ZSWIM6: variants seen among roughly 807,000 people sequenced by gnomAD.
ZSWIM6 encodes zinc finger SWIM domain-containing protein 6.
Under a neutral mutation model 113.2 loss-of-function variants are expected in ZSWIM6, and 9 were observed. The ratio of observed to expected loss-of-function variants is 0.08; its 90% CI spans 0.05 to 0.14. The LOEUF (loss-of-function observed/expected upper bound fraction) is 0.14. Among genes scored for constraint, ZSWIM6 ranks in the 10% least tolerant of loss-of-function variants. The pLI, the probability that ZSWIM6 is intolerant of heterozygous loss-of-function variation, is 1.00. For missense variants in ZSWIM6, 1,162 were observed against 1,552.2 expected, an observed-to-expected ratio of 0.75 and a Z score of 4.22; for synonymous variants, 611 against 606.5, an observed-to-expected ratio of 1.01 and a Z score of -0.11.
At chr5:61,375,100 C>T in intron 1 of ZSWIM6, 3 of 1,606,824 alleles carry the variant, frequency 1.9e-6, no homozygotes, top group South Asian at 1.1e-5. Context: ...ACTGTGCGCG[C>T]GATCCAGCAC....
At chr5:61,399,217 G>A (rs936935355) in intron 1 of ZSWIM6, among the ~76,000 whole-genome samples, 5 of 147,466 alleles carry the variant, frequency 3.4e-5, no homozygotes, top group East Asian at 2.0e-4. Context: ...GAGCCACTGC[G>A]CCTGGCTGTG....
chr5:61,529,893 C>G (rs1413096403), intron 7 of ZSWIM6, among the ~76,000 whole-genome samples, 159 bp from the exon 8 acceptor site: 2 of 152,120 alleles, frequency 1.3e-5, no homozygotes, highest in Non-Finnish European at 2.9e-5. Flanking sequence ...GATTATGGTA[C>G]CTTTTGATTG....
chr5:61,533,901 G>A (rs1271193963), intron 9 of ZSWIM6, among the ~76,000 whole-genome samples: 5 of 152,150 alleles, frequency 3.3e-5, no homozygotes, highest in East Asian at 3.8e-4. Flanking sequence ...TCTGATGAGG[G>A]CACTCTTCCT....
intron 1 of ZSWIM6, among the ~76,000 whole-genome samples, chr5:61,363,292 A>G (rs189911394): frequency 6.6e-6 from 1 of 152,364 alleles, no homozygotes; most frequent in Non-Finnish European, 1.5e-5. Context: ...GGAAAGTGTC[A>G]TCATGGAATC....
chr5:61,375,493 C>T, intron 1 of ZSWIM6: 1 of 1,556,436 alleles, frequency 6.4e-7, no homozygotes, highest in Non-Finnish European at 8.7e-7. Flanking sequence ...GGATAAGAAA[C>T]AAGGAAAACA....
Position 61,445,976 on chromosome 5 carries a change from G to A in ZSWIM6, c.677-26705G>A, listed in dbSNP as rs555460629. Among the ~76,000 whole-genome samples, 5 of 152,348 alleles carry A rather than the reference G, an allele frequency of 3.3e-5. No individual in the cohort carries two copies. In the East Asian group the frequency reaches 9.6e-4, roughly 29 times the overall value. ...GGCATTGACTTAAGGTACATGACCA[G>A]TAAGTACTTTAGTGCTAGTACTATC... On this transcript the variant is annotated intron_variant, in intron 1 of 13. Coordinates refer to ENST00000252744, the MANE Select transcript of ZSWIM6 (RefSeq NM_020928.2).
At chr5:61,512,723 T>C (rs1748823317) in intron 4 of ZSWIM6, among the ~76,000 whole-genome samples, 1 of 152,180 alleles carries the variant, frequency 6.6e-6, no homozygotes, top group Non-Finnish European at 1.5e-5. Context: ...TTTCTAATGA[T>C]TAACAATATT....
At chr5:61,411,850 T>A (rs190248992) in intron 1 of ZSWIM6, among the ~76,000 whole-genome samples, 1 of 152,334 alleles carries the variant, frequency 6.6e-6, no homozygotes, top group East Asian at 1.9e-4. Flanking sequence ...AGGCGGCACA[T>A]CACCTTGGAG....
intron 4 of ZSWIM6, among the ~76,000 whole-genome samples, chr5:61,504,845 G>C (rs1748557839): frequency 6.6e-6 from 1 of 152,084 alleles, no homozygotes; most frequent in Non-Finnish European, 1.5e-5. Flanking sequence ...AGAATCTGCT[G>C]TTTATAGTGC....
chr5:61,416,768 A>C (rs1746264545), intron 1 of ZSWIM6, among the ~76,000 whole-genome samples: 1 of 152,264 alleles, frequency 6.6e-6, no homozygotes, highest in Non-Finnish European at 1.5e-5. Flanking sequence ...GAAAACACAA[A>C]GCCTATTTGA....
intron 7 of ZSWIM6, among the ~76,000 whole-genome samples, chr5:61,527,655 C>G (rs902114620): frequency 2.0e-5 from 3 of 152,110 alleles, no homozygotes; most frequent in African/African-American, 4.8e-5. Context: ...TCAACACATA[C>G]ACAGTCTATG....
chr5:61,503,171 ACT>A (rs1244988088), intron 4 of ZSWIM6, among the ~76,000 whole-genome samples: 5 of 152,142 alleles, frequency 3.3e-5, no homozygotes, highest in African/African-American at 7.2e-5. Context: ...TAAGAAAAAG[ACT>A]CTGTATAGTA....
At chr5:61,488,478 A>G (rs879909716) in intron 2 of ZSWIM6, among the ~76,000 whole-genome samples, 3 of 152,036 alleles carry the variant, frequency 2.0e-5, no homozygotes, top group Non-Finnish European at 2.9e-5. Flanking sequence ...CTGTAAATCC[A>G]TCTGATCCTG....
At chr5:61,417,948 C>A (rs1329247830) in intron 1 of ZSWIM6, among the ~76,000 whole-genome samples, 1 of 152,002 alleles carries the variant, frequency 6.6e-6, no homozygotes, top group African/African-American at 2.4e-5. Flanking sequence ...TTTTAGAATT[C>A]GAAGGTACTT....
At chr5:61,333,487 T>C (rs1017677953) in intron 1 of ZSWIM6, among the ~76,000 whole-genome samples, 1 of 151,800 alleles carries the variant, frequency 6.6e-6, no homozygotes, top group Non-Finnish European at 1.5e-5. Flanking sequence ...GGGAATACAC[T>C]TAAAGCCGCT....
Position 61,538,976 on chromosome 5 carries a change from T to C in ZSWIM6, c.2539+5T>C, listed in dbSNP as rs1749655799. ...CCATGCTAACTGCAGCCAAAGGTAC[T>C]GTACTGTCCTGAGGCCTCATAATTG... is the stretch of plus-strand genomic sequence containing the variant. On this transcript the variant is annotated splice_donor_5th_base_variant and intron_variant, in intron 11 of 13. Coordinates refer to ENST00000252744, the MANE Select transcript of ZSWIM6 (RefSeq NM_020928.2). 1.9e-6 allele frequency: 3 copies of C among 1,545,518 alleles called. No individual in the cohort carries two copies. In the African/African-American group the frequency reaches 4.1e-5, roughly 21 times the overall value.
intron 1 of ZSWIM6, chr5:61,391,273 C>T (rs1745705552): frequency 4.5e-6 from 4 of 883,460 alleles, no homozygotes; most frequent in Middle Eastern, 3.3e-4. Context: ...CTGCTCAAGC[C>T]TCTCGTGGGC....
intron 9 of ZSWIM6, 94 bp downstream of exon 9, chr5:61,531,819 A>AT: frequency 7.3e-7 from 1 of 1,369,522 alleles, no homozygotes; most frequent in Non-Finnish European, 9.9e-7. Flanking sequence ...TGCATTTAAT[A>AT]TGGTAGTTAT....
intron 7 of ZSWIM6, among the ~76,000 whole-genome samples, chr5:61,528,458 G>GT (rs1199766393): frequency 3.9e-5 from 6 of 151,928 alleles, no homozygotes; most frequent in Admixed American, 2.0e-4. Flanking sequence ...GTTTCCAGGA[G>GT]TAGTGCTCAT....
Sources: gnomAD v4.1 joint callset for allele counts (sites outside exome capture counted in the v4.1 genomes callset) on GRCh38, gnomAD v4.1.1 for gene constraint, MANE v1.5 for transcripts, NCBI Gene and HGNC (gene_info 2026-07-23, HGNC 2026-07-21) for gene names.